The following MYOCD variants were observed in gnomAD, a reference collection of about 807,000 sequenced individuals.
The protein encoded by MYOCD is myocardin.
In MYOCD, 32 loss-of-function variants were observed where a neutral mutation model predicts 96.1. The ratio of observed to expected loss-of-function variants is 0.33; its 90% CI spans 0.25 to 0.45. The LOEUF is 0.45. MYOCD is among the 20% of genes least tolerant of loss of function. The pLI is 1.00. For synonymous variants in MYOCD, 469 were observed against 469.0 expected (o/e 1.00, Z 0.00); for missense variants, 1,133 against 1,200.6 (o/e 0.94, Z 0.83).
chr17:12,697,882 T>A (rs1283756829), intron 1 of MYOCD, among the ~76,000 whole-genome samples: 2 of 152,206 alleles, frequency 1.3e-5, no homozygotes, highest in African/African-American at 4.8e-5. Flanking sequence ...GGAAATTTTT[T>A]AATAAGTGGC....
intron 1 of MYOCD, among the ~76,000 whole-genome samples, chr17:12,683,444 C>A (rs747013004): frequency 6.6e-6 from 1 of 152,170 alleles, no homozygotes; most frequent in Admixed American, 6.5e-5. Flanking sequence ...CTTCCTCTGT[C>A]GCTTTCTCTC....
At chr17:12,742,074 A>G (rs746638271) in intron 7 of MYOCD, among the ~76,000 whole-genome samples, 3 of 152,058 alleles carry the variant, frequency 2.0e-5, no homozygotes, top group Non-Finnish European at 4.4e-5. Context: ...TGCAGCTCCC[A>G]TCCTCCCCAG....
At chr17:12,668,763 C>T (rs185338967) in intron 1 of MYOCD, among the ~76,000 whole-genome samples, 118 of 152,024 alleles carry the variant, frequency 7.8e-4, no homozygotes, top group Non-Finnish European at 2.2e-4. Flanking sequence ...CAACTTGCCT[C>T]ACCTGAATAA....
chr17:12,668,631 A>C (rs1909500418), intron 1 of MYOCD, among the ~76,000 whole-genome samples: 1 of 151,906 alleles, frequency 6.6e-6, no homozygotes, highest in Non-Finnish European at 1.5e-5. Context: ...TGAGAAGCCA[A>C]AGGGTGTCCT....
intron 1 of MYOCD, among the ~76,000 whole-genome samples, chr17:12,687,242 C>T (rs2030171358): frequency 6.6e-6 from 1 of 151,988 alleles, no homozygotes; most frequent in Non-Finnish European, 1.5e-5. Flanking sequence ...AATTTGAAAC[C>T]ACCTATTTCT....
At chr17:12,714,358 CACA>C (rs754803319) in intron 2 of MYOCD, among the ~76,000 whole-genome samples, 6 of 151,660 alleles carry the variant, frequency 4.0e-5, no homozygotes, top group Non-Finnish European at 8.8e-5. Context: ...CACACACACA[CACA>C]CCCCGATCTG....
rs138124633 is a variant in MYOCD, at chr17:12,673,998, G to A, written c.55+7755G>A. 2.8e-3 allele frequency among the ~76,000 whole-genome samples: 420 copies of A among 151,620 alleles called. 2 individuals are homozygous for A. The highest frequency in any genetic ancestry group is 9.5e-3 in the African/African-American group (394 of 41,548). On this transcript the variant is annotated intron_variant, in intron 1 of 13. Transcript: ENST00000425538. ...ATGTGGTCTGCTATTTAGGGACCACGTGTTACCAAATATGACTCATGCCTC... is the reference window on the plus strand; with the variant it reads ...ATGTGGTCTGCTATTTAGGGACCACATGTTACCAAATATGACTCATGCCTC...
intron 1 of MYOCD, among the ~76,000 whole-genome samples, chr17:12,682,642 A>G (rs1910545261): frequency 1.3e-5 from 2 of 152,188 alleles, no homozygotes. Flanking sequence ...CTGGCACCAT[A>G]TGGAGAGGAT....
At chr17:12,723,476 C>A (rs1051278986) in intron 5 of MYOCD, among the ~76,000 whole-genome samples, 2 of 152,338 alleles carry the variant, frequency 1.3e-5, no homozygotes, top group African/African-American at 4.8e-5. Flanking sequence ...AGCTCACAGG[C>A]TCCTGGGAGT....
chr17:12,697,394 G>A (rs1270052660), intron 1 of MYOCD, among the ~76,000 whole-genome samples: 12 of 112,106 alleles, frequency 1.1e-4, no homozygotes, highest in Non-Finnish European at 8.3e-5. Context: ...ACGGGGTCTC[G>A]CTCTGTCGCC....
At position 12,746,048 on chromosome 17, in the gene MYOCD, C is replaced by G; in HGVS notation, c.1101C>G (p.Leu367=). 6.2e-7 allele frequency: 1 copy of G among 1,614,202 alleles called. No individual in the cohort carries two copies. ...TCTCTTCTTTCAAACCAGGCCCACT[C>G]CCACCTAACCTGGATGATCTGAAGG... ...TGVSSFKPGP[L]PPNLDDLKVS... is the part of the protein sequence containing the mutation. Residue 367 remains leucine (L), a synonymous_variant, in exon 9 of 14, where the codon CTC becomes CTG. Transcript: ENST00000425538.
chr17:12,734,995 G>A (rs1267799772), intron 5 of MYOCD, among the ~76,000 whole-genome samples: 1 of 152,134 alleles, frequency 6.6e-6, no homozygotes, highest in Non-Finnish European at 1.5e-5. Flanking sequence ...GTCCTTGCAC[G>A]GCCTCCTTCC....
intron 1 of MYOCD, among the ~76,000 whole-genome samples, chr17:12,702,921 A>T (rs1435073891): frequency 1.3e-5 from 2 of 152,024 alleles, no homozygotes; most frequent in African/African-American, 4.8e-5. Flanking sequence ...GAAGAAATAT[A>T]AATATCTTTA....
intron 1 of MYOCD, among the ~76,000 whole-genome samples, chr17:12,676,353 T>C (rs976627750): frequency 5.3e-5 from 8 of 151,866 alleles, no homozygotes; most frequent in Non-Finnish European, 1.2e-4. Context: ...TAAAAAACTT[T>C]AATCCCAACA....
chr17:12,679,038 T>C (rs995752841), intron 1 of MYOCD, among the ~76,000 whole-genome samples: 1 of 152,098 alleles, frequency 6.6e-6, no homozygotes, highest in African/African-American at 2.4e-5. Flanking sequence ...ACCCAGCAGA[T>C]TCAGACCTAG....
chr17:12,734,136 T>C (rs1386962780), intron 5 of MYOCD, among the ~76,000 whole-genome samples: 1 of 152,136 alleles, frequency 6.6e-6, no homozygotes, highest in Non-Finnish European at 1.5e-5. Context: ...TTTGGTTAAT[T>C]TCCTCTAATT....
At chr17:12,701,959 A>G (rs913068887) in intron 1 of MYOCD, among the ~76,000 whole-genome samples, 2 of 152,206 alleles carry the variant, frequency 1.3e-5, no homozygotes, top group African/African-American at 4.8e-5. Flanking sequence ...AACTTATTCT[A>G]TGGCCTAGTG....
chr17:12,763,032 T>C (rs201688802), intron 13 of MYOCD, 41 bp from the exon 14 acceptor site: 2 of 1,526,826 alleles, frequency 1.3e-6, no homozygotes, highest in East Asian at 4.5e-5. Context: ...GCATGCTCAA[T>C]TTGAAGTGAT....
Position 12,766,261 on chromosome 17 carries a change from T to C in MYOCD, c.*2617T>C, listed in dbSNP as rs967629985. On this transcript the variant is annotated 3_prime_UTR_variant, in exon 14 of 14. Transcript: ENST00000425538. The stretch of plus-strand genomic sequence containing the variant: ...TATTTTTTCCTTGGGTATTTCTATC[T>C]GAGAGACTAGACCTAGTTAGGAGGC... 2.0e-4 allele frequency: 31 copies of C among 152,352 alleles called. No homozygotes were observed. Among genetic ancestry groups the C allele is most frequent in the Middle Eastern group, 3.4e-3 (1 of 294 alleles). 9.4% of individuals were successfully genotyped at this position (152,352 alleles called of 1,614,324 possible).
Sources: allele counts gnomAD v4.1 joint callset (sites outside exome capture counted in the v4.1 genomes callset), GRCh38; gene constraint gnomAD v4.1.1; transcripts MANE v1.5; gene names NCBI Gene and HGNC (gene_info 2026-07-23, HGNC 2026-07-21).